Variants in SCARA5 observed in about 807,000 individuals in gnomAD.
The protein encoded by SCARA5 is scavenger receptor class A, member 5 (putative).
A neutral mutation model predicts 46.3 loss-of-function variants in SCARA5; 45 were observed. That is an observed-to-expected ratio of 0.97 (90% CI 0.76 to 1.24). The LOEUF is 1.24. Ranked by LOEUF, SCARA5 falls within the 50% of genes most tolerant of loss-of-function variation. The pLI, the probability that SCARA5 is intolerant of heterozygous loss-of-function variation, is 0.00. For synonymous variants in SCARA5, 333 were observed against 306.5 expected, an observed-to-expected ratio of 1.09 and a Z score of -0.90; for missense variants, 680 against 689.0, an observed-to-expected ratio of 0.99 and a Z score of 0.15.
chr8:27,907,160 G>A lies in SCARA5; in HGVS notation c.1084C>T (p.Arg362Cys), dbSNP rs755412172. The A allele has an allele frequency of 5.0e-6, 8 of 1,612,856 alleles. No homozygotes were observed. Among genetic ancestry groups the A allele is most frequent in the East Asian group, 2.2e-5 (1 of 44,832 alleles). The change falls in exon 6 of 9, where the codon CGT (arginine) becomes TGT (cysteine). Residue 362 changes from arginine to cysteine, a missense_variant. Physicochemically the swap from Arg to Cys is radical, Grantham distance 180 (BLOSUM62 -3). Transcript: ENST00000354914. The stretch of plus-strand genomic sequence containing the variant: ...AGATTGTTATTACCTTTGAACCCAC[G>A]CATGCCCATTGGTCCTGTGGCCCCC... The part of the protein sequence containing the change: ...KLGATGPMGM[R>C]GFKGDRGPKG...
At chr8:27,964,206 T>C (rs2129932890) in intron 3 of SCARA5, among the ~76,000 whole-genome samples, 1 of 152,292 alleles carries the variant, frequency 6.6e-6, no homozygotes, top group South Asian at 2.1e-4. Flanking sequence ...CCCTTTCCTA[T>C]GCTGCCCTCA....
chr8:27,908,682 C>G (rs1807313815), intron 5 of SCARA5, among the ~76,000 whole-genome samples: 1 of 152,146 alleles, frequency 6.6e-6, no homozygotes, highest in African/African-American at 2.4e-5. Flanking sequence ...TCCACTGCCA[C>G]AGAATTATTG....
At chr8:27,879,533 C>G in intron 8 of SCARA5, 36 bp downstream of exon 8, 45 of 1,566,886 alleles carry the variant, frequency 2.9e-5, no homozygotes, top group Non-Finnish European at 3.7e-5. Context: ...ATGTGCAGGC[C>G]CTCTCCTCAT....
intron 3 of SCARA5, among the ~76,000 whole-genome samples, chr8:27,924,039 A>G (rs1701014528): frequency 6.6e-6 from 1 of 152,184 alleles, no homozygotes; most frequent in Non-Finnish European, 1.5e-5. Context: ...GCATCCTTGT[A>G]TCTCCTGGGA....
At chr8:27,919,833 G>A (rs1585489530) in intron 4 of SCARA5, among the ~76,000 whole-genome samples, 1 of 150,758 alleles carries the variant, frequency 6.6e-6, no homozygotes, top group African/African-American at 2.5e-5. Flanking sequence ...CTCCCTTGGA[G>A]AGCCATTGTT....
At chr8:27,960,790 T>C (rs1350257774) in intron 3 of SCARA5, among the ~76,000 whole-genome samples, 1 of 132,490 alleles carries the variant, frequency 7.5e-6, no homozygotes, top group African/African-American at 2.9e-5. Flanking sequence ...CTACAGCTTA[T>C]ATCCTGTTCA....
At chr8:27,918,368 A>G (rs183307081) in intron 4 of SCARA5, among the ~76,000 whole-genome samples, 144 of 152,236 alleles carry the variant, frequency 9.5e-4, no homozygotes, top group African/African-American at 3.3e-3. Context: ...GGGCTGTGTA[A>G]ACTGGAAAGG....
intron 7 of SCARA5, among the ~76,000 whole-genome samples, chr8:27,883,842 T>G (rs1387678509): frequency 1.3e-5 from 2 of 152,164 alleles, no homozygotes; most frequent in African/African-American, 4.8e-5. Flanking sequence ...ACAAACCTAC[T>G]CAAGCCCTGC....
intron 7 of SCARA5, among the ~76,000 whole-genome samples, chr8:27,897,333 C>A (rs1340523717): frequency 6.6e-6 from 1 of 152,184 alleles, no homozygotes; most frequent in Non-Finnish European, 1.5e-5. Context: ...AACGGGAGCT[C>A]GGGGTCACGG....
chr8:27,906,228 T>C (rs1229361287), intron 6 of SCARA5, among the ~76,000 whole-genome samples: 1 of 152,132 alleles, frequency 6.6e-6, no homozygotes. Context: ...TTTTAACAAG[T>C]GAGGAGTAGA....
At chr8:27,893,441 CTCTT>C (rs994087944) in intron 7 of SCARA5, among the ~76,000 whole-genome samples, 52 of 152,272 alleles carry the variant, frequency 3.4e-4, no homozygotes, top group Admixed American at 1.9e-3. Flanking sequence ...TTTCTTTGCT[CTCTT>C]TGTTTTGTAA....
chr8:27,935,670 C>A (rs144374282), intron 3 of SCARA5, among the ~76,000 whole-genome samples: 111 of 152,266 alleles, frequency 7.3e-4, no homozygotes, highest in Admixed American at 9.2e-4. Flanking sequence ...CCAGCCAGGC[C>A]AGAGGACCCG....
intron 3 of SCARA5, among the ~76,000 whole-genome samples, chr8:27,960,177 CTTT>C (rs11299595): frequency 3.4e-4 from 49 of 145,066 alleles, no homozygotes; most frequent in East Asian, 8.1e-4. Flanking sequence ...TTCTGGAGCA[CTTT>C]TTTTTTTTTT....
chr8:27,962,929 C>T (rs184447938), intron 3 of SCARA5, among the ~76,000 whole-genome samples: 51 of 152,278 alleles, frequency 3.3e-4, no homozygotes, highest in Admixed American at 2.6e-3. Flanking sequence ...TGACAACGAC[C>T]GAATGGTGCT....
Position 27,903,127 on chromosome 8 carries a change from G to A in SCARA5, c.1153+1651C>T, listed in dbSNP as rs1242922933. The stretch of plus-strand genomic sequence containing the variant: ...GCCTTGGGGAGGCCTCTTTTTGGGA[G>A]TGAGGTCTCCTTCTGGTCCTGCACA... On this transcript the variant is annotated intron_variant, in intron 7 of 8. Transcript: ENST00000354914. The A allele has an allele frequency of 4.6e-5, 7 of 152,206 alleles. No homozygotes were observed. The East Asian group carries it at 1.2e-3, about 25-fold the overall frequency. The allele number at this position is 152,206 out of a possible 1,614,324, so 9.4% of individuals were successfully genotyped here.
At chr8:27,883,315 G>A (rs906460439) in intron 7 of SCARA5, among the ~76,000 whole-genome samples, 2 of 152,184 alleles carry the variant, frequency 1.3e-5, no homozygotes, top group African/African-American at 2.4e-5. Context: ...CATAGTCTCA[G>A]GGTGAAACAC....
intron 2 of SCARA5, among the ~76,000 whole-genome samples, chr8:27,982,875 G>A (rs1808645487): frequency 6.6e-6 from 1 of 152,176 alleles, no homozygotes; most frequent in Admixed American, 6.5e-5. Flanking sequence ...AGGGATAAAG[G>A]CAGGGAGGGT....
chr8:27,882,940 A>G (rs10103204), intron 7 of SCARA5, among the ~76,000 whole-genome samples: 118,283 of 151,958 alleles, frequency 0.78, 46,112 homozygotes, highest in Non-Finnish European at 0.8. Flanking sequence ...ACCTCTCTAA[A>G]GGCATTTCCC....
intron 3 of SCARA5, among the ~76,000 whole-genome samples, chr8:27,950,708 G>A (rs1265798789): frequency 6.6e-6 from 1 of 152,042 alleles, no homozygotes; most frequent in Non-Finnish European, 1.5e-5. Flanking sequence ...TAACACATGG[G>A]GACTAGGGCA....
Sources: allele counts gnomAD v4.1 joint callset (sites outside exome capture counted in the v4.1 genomes callset), GRCh38; gene constraint gnomAD v4.1.1; transcripts MANE v1.5; gene names NCBI Gene and HGNC (gene_info 2026-07-23, HGNC 2026-07-21).